The following KCNK10 variants were observed in gnomAD, a reference collection of about 807,000 sequenced individuals.
KCNK10 encodes potassium two pore domain channel subfamily K member 10.
KCNK10 carries 25 observed loss-of-function variants against 47.7 expected under a neutral mutation model. The observed-to-expected ratio is 0.52, with a 90% CI of 0.38 to 0.73. KCNK10 has a LOEUF of 0.73. Among genes scored for constraint, KCNK10 ranks in the 30% least tolerant of loss-of-function variants. The pLI, the probability that KCNK10 is intolerant of heterozygous loss-of-function variation, is 0.00. For missense variants in KCNK10, 563 were observed against 714.5 expected (o/e 0.79, Z 2.42); for synonymous variants, 303 against 285.6 (o/e 1.06, Z -0.61).
At chr14:88,277,643 T>C (rs944608794) in intron 1 of KCNK10, among the ~76,000 whole-genome samples, 1 of 152,176 alleles carries the variant, frequency 6.6e-6, no homozygotes, top group African/African-American at 2.4e-5. Flanking sequence ...ACTTAAAAAC[T>C]GGGAAAGTCA....
chr14:88,279,364 CGTGTGTGTGTGT>C (rs58319931), intron 1 of KCNK10, among the ~76,000 whole-genome samples: 1,792 of 137,666 alleles, frequency 0.013, 41 homozygotes, highest in African/African-American at 0.046. Context: ...TTGCCAGATA[CGTGTGTGTGTGT>C]GTGTGTGTGT....
intron 1 of KCNK10, among the ~76,000 whole-genome samples, chr14:88,303,599 T>C (rs1406533587): frequency 6.6e-6 from 1 of 151,948 alleles, no homozygotes; most frequent in Non-Finnish European, 1.5e-5. Flanking sequence ...GAGAGATCAA[T>C]TCCCCAGGAG....
In KCNK10 at chr14:88,181,015, G is replaced by T; in HGVS notation, c.*4520C>A. 2.5e-6 allele frequency: 1 copy of T among 395,088 alleles called. No individual in the cohort carries two copies. Among genetic ancestry groups the T allele is most frequent in the Middle Eastern group, 6.3e-4 (1 of 1,578 alleles). The allele number at this position is 395,088 out of a possible 1,614,324, so 24.5% of individuals were successfully genotyped here. On this transcript the variant is annotated 3_prime_UTR_variant, in exon 7 of 7. Coordinates refer to ENST00000319231, the MANE Select transcript of KCNK10 (RefSeq NM_138317.3). ...ACAATTGCATCCTAACAGTGAGAAA[G>T]AATAACCCCATATTAGCAAAATGCA...
chr14:88,300,923 T>C (rs938833132), intron 1 of KCNK10, among the ~76,000 whole-genome samples: 1 of 152,182 alleles, frequency 6.6e-6, no homozygotes, highest in East Asian at 1.9e-4. Context: ...TGTTAAGGGG[T>C]TCTCTGTCTT....
intron 2 of KCNK10, among the ~76,000 whole-genome samples, chr14:88,262,938 A>C (rs1887151681): frequency 6.6e-6 from 1 of 152,158 alleles, no homozygotes; most frequent in Admixed American, 6.5e-5. Flanking sequence ...TTGAACTTGA[A>C]AATCCAAAGT....
chr14:88,285,170 G>A (rs774413582), intron 1 of KCNK10, among the ~76,000 whole-genome samples: 9 of 152,180 alleles, frequency 5.9e-5, no homozygotes, highest in Admixed American at 1.3e-4. Flanking sequence ...GGAGTGCAGT[G>A]GCACCATCTT....
chr14:88,278,041 A>T (rs1887564379), intron 1 of KCNK10, among the ~76,000 whole-genome samples: 1 of 152,186 alleles, frequency 6.6e-6, no homozygotes, highest in Admixed American at 6.5e-5. Flanking sequence ...ATTGTGCTTC[A>T]GGCATCGGAG....
chr14:88,203,467 A>G (rs573121159), intron 4 of KCNK10, among the ~76,000 whole-genome samples: 6 of 152,358 alleles, frequency 3.9e-5, no homozygotes, highest in South Asian at 2.1e-4. Context: ...TCAAGGACAC[A>G]GCTCAATTGG....
chr14:88,310,696 G>A (rs1379546567), intron 1 of KCNK10, among the ~76,000 whole-genome samples: 1 of 152,144 alleles, frequency 6.6e-6, no homozygotes, highest in African/African-American at 2.4e-5. Flanking sequence ...TCAGGCTTTT[G>A]GGAGGCCTTC....
At chr14:88,326,636 G>A (rs944530526), upstream of KCNK10, 2 of 590,406 alleles carry the variant, frequency 3.4e-6, no homozygotes, top group Admixed American at 3.2e-5. Flanking sequence ...AGGAGACCCG[G>A]GCTGGCGGCC....
chr14:88,197,610 A>AAAAAAAG (rs1884958981), intron 4 of KCNK10, among the ~76,000 whole-genome samples: 1 of 142,944 alleles, frequency 7.0e-6, no homozygotes, highest in Non-Finnish European at 1.5e-5. Flanking sequence ...AAAAAAAAAA[A>AAAAAAAG]AATCAACTGT....
chr14:88,236,316 CAA>C (rs3056657), intron 3 of KCNK10, among the ~76,000 whole-genome samples: 35,913 of 145,896 alleles, frequency 0.25, 4,466 homozygotes, highest in East Asian at 0.43. Context: ...GACCCAGTCT[CAA>C]AAAAAAAAAA....
At chr14:88,325,920 C>A (rs1265450240), upstream of KCNK10, among the ~76,000 whole-genome samples, 1 of 148,196 alleles carries the variant, frequency 6.7e-6, no homozygotes, top group East Asian at 2.2e-4. Context: ...CCCAGAATGG[C>A]AACAGCAGGA....
chr14:88,192,637 C>A (rs182284127), intron 4 of KCNK10, among the ~76,000 whole-genome samples: 1 of 152,308 alleles, frequency 6.6e-6, no homozygotes, highest in Admixed American at 6.5e-5. Flanking sequence ...TGTTCGTGGA[C>A]ACCAGGTCAA....
rs1350454584 is a variant in KCNK10 at position 88,263,351 on chromosome 14, C to T, written c.253G>A (p.Val85Met). Residue 85 changes from valine to methionine, a missense_variant, in exon 2 of 7, where the codon GTG becomes ATG. Val to Met is a conservative substitution (Grantham distance 21). Coordinates refer to ENST00000319231, the MANE Select transcript of KCNK10 (RefSeq NM_138317.3). The part of the protein sequence containing the change: ...KTVVAIFVVV[V>M]VYLVTGGLVF... ...AGACCGCCAGTGACAAGGTAGACCA[C>T]CACAACCACAAAGATGGCAACCACC... The T allele has an allele frequency of 1.2e-6, 2 of 1,613,780 alleles. No homozygotes were observed. The highest frequency in any genetic ancestry group is 1.7e-6 in the Non-Finnish European group (2 of 1,180,064).
chr14:88,193,629 A>G (rs971522378), intron 4 of KCNK10, among the ~76,000 whole-genome samples: 1 of 152,224 alleles, frequency 6.6e-6, no homozygotes, highest in Non-Finnish European at 1.5e-5. Flanking sequence ...CCGTACCATG[A>G]GACCTGCATC....
intron 2 of KCNK10, among the ~76,000 whole-genome samples, chr14:88,253,407 G>A (rs1054569732): frequency 6.6e-6 from 1 of 152,138 alleles, no homozygotes. Flanking sequence ...AAATGTTTGA[G>A]ATGATGAATA....
At chr14:88,323,351 C>G, upstream of KCNK10, 1 of 947,092 alleles carries the variant, frequency 1.1e-6, no homozygotes. Flanking sequence ...CGGCGACGCC[C>G]CCCACTTCCC....
intron 2 of KCNK10, among the ~76,000 whole-genome samples, chr14:88,253,438 T>C (rs1886854008): frequency 6.6e-6 from 1 of 152,150 alleles, no homozygotes; most frequent in Admixed American, 6.5e-5. Flanking sequence ...CCGGATCTGA[T>C]CATCATACAT....
Sources: gnomAD v4.1 joint callset for allele counts (sites outside exome capture counted in the v4.1 genomes callset) on GRCh38, gnomAD v4.1.1 for gene constraint, MANE v1.5 for transcripts, NCBI Gene and HGNC (gene_info 2026-07-23, HGNC 2026-07-21) for gene names.